Variants in DPH6 observed in about 807,000 individuals in gnomAD.
The protein encoded by DPH6 is diphthine--ammonia ligase.
A neutral mutation model predicts 38.2 loss-of-function variants in DPH6; 33 were observed. The ratio of observed to expected loss-of-function variants is 0.86; its 90% CI spans 0.65 to 1.15. The LOEUF is 1.15. Among genes scored for constraint, DPH6 ranks in the 50% most tolerant of loss-of-function variants. The pLI is 0.00. For missense variants in DPH6, 325 were observed against 320.0 expected (o/e 1.02, Z -0.12); for synonymous variants, 108 against 103.0 (o/e 1.05, Z -0.30).
At chr15:35,355,905 T>C (rs1260012867) in intron 3 of DPH6, among the ~76,000 whole-genome samples, 1 of 152,240 alleles carries the variant, frequency 6.6e-6, no homozygotes, top group Non-Finnish European at 1.5e-5. Flanking sequence ...ATTCTCCCCG[T>C]CACTTTCAGG....
chr15:35,411,612 C>T (rs1378526462), intron 5 of DPH6, among the ~76,000 whole-genome samples: 1 of 151,494 alleles, frequency 6.6e-6, no homozygotes, highest in East Asian at 1.9e-4. Context: ...GCTTTCCATA[C>T]ACCAAGACTA....
intron 3 of DPH6, chr15:35,489,255 T>G (rs2141168552): frequency 1.2e-6 from 1 of 829,306 alleles, no homozygotes; most frequent in South Asian, 5.5e-5. Flanking sequence ...CCATGTGATC[T>G]GGGGATCTGG....
intron 3 of DPH6, among the ~76,000 whole-genome samples, chr15:35,259,716 T>C (rs1354063436): frequency 6.6e-6 from 1 of 152,188 alleles, no homozygotes; most frequent in Non-Finnish European, 1.5e-5. Context: ...CCAATATAAG[T>C]CCTAAAAGAA....
At chr15:35,196,213 A>T in the DPH6 span, among the ~76,000 whole-genome samples, 1 of 152,224 alleles carries the variant, frequency 6.6e-6, no homozygotes, top group South Asian at 2.1e-4. Context: ...GTGCTATGCT[A>T]ATTAGAATAT....
chr15:35,481,419 A>AGTCT (rs960001803), intron 3 of DPH6, among the ~76,000 whole-genome samples: 7 of 152,216 alleles, frequency 4.6e-5, no homozygotes, highest in Non-Finnish European at 1.0e-4. Context: ...AAAGACTTGA[A>AGTCT]AGACATATTA....
At chr15:35,228,462 T>G (rs1425370846) in intron 3 of DPH6, among the ~76,000 whole-genome samples, 2 of 152,198 alleles carry the variant, frequency 1.3e-5, no homozygotes, top group African/African-American at 4.8e-5. Flanking sequence ...CAGTGTGTTT[T>G]CTGTCACCTA....
chr15:35,427,392 G>A (rs2053582640), intron 5 of DPH6, among the ~76,000 whole-genome samples: 1 of 151,914 alleles, frequency 6.6e-6, no homozygotes, highest in Admixed American at 6.6e-5. Flanking sequence ...TACAGATGAG[G>A]ATATGCAATG....
In DPH6 at chr15:35,371,534, A is replaced by G. The variant is rs973592886; in HGVS notation, c.*616T>C. The G allele has an allele frequency of 1.3e-5, 12 of 958,072 alleles. No individual in the cohort carries two copies. Among genetic ancestry groups the G allele is most frequent in the Admixed American group, 6.2e-5 (1 of 16,150 alleles). The allele number at this position is 958,072 out of a possible 1,614,324, so 59.3% of individuals were successfully genotyped here. On this transcript the variant is annotated 3_prime_UTR_variant, in exon 9 of 9. Transcript: ENST00000256538. ...AAAACTGTTCTAAAACATAAAGTCT[A>G]TTTTTTGTAAAAGTTTTCTAAGGTC...
At chr15:35,295,555 G>A (rs1296507861) in intron 3 of DPH6, among the ~76,000 whole-genome samples, 4 of 152,120 alleles carry the variant, frequency 2.6e-5, no homozygotes, top group Non-Finnish European at 4.4e-5. Flanking sequence ...CATTACTCCT[G>A]TCATCATCCT....
At chr15:35,518,607 A>C (rs2054880060) in intron 3 of DPH6, among the ~76,000 whole-genome samples, 1 of 152,040 alleles carries the variant, frequency 6.6e-6, no homozygotes. Flanking sequence ...TTTGGGAATG[A>C]GGTGTGTAGG....
At chr15:35,432,388 T>C (rs1396049246) in intron 5 of DPH6, among the ~76,000 whole-genome samples, 1 of 152,150 alleles carries the variant, frequency 6.6e-6, no homozygotes, top group African/African-American at 2.4e-5. Flanking sequence ...TAGATTCACA[T>C]CTGTAATAGA....
the DPH6 span, among the ~76,000 whole-genome samples, chr15:35,186,630 C>T: frequency 6.6e-6 from 1 of 152,218 alleles, no homozygotes; most frequent in Non-Finnish European, 1.5e-5. Flanking sequence ...TTATTCCAAA[C>T]ATGAATATGC....
At chr15:35,235,498 C>G (rs75204048) in intron 3 of DPH6, among the ~76,000 whole-genome samples, 4 of 152,320 alleles carry the variant, frequency 2.6e-5, no homozygotes, top group Non-Finnish European at 2.9e-5. Context: ...AATAAATGCT[C>G]TATTCACCTC....
intron 3 of DPH6, among the ~76,000 whole-genome samples, chr15:35,226,434 T>TA (rs141891094): frequency 0.032 from 4,806 of 151,840 alleles, 251 homozygotes; most frequent in African/African-American, 0.11. Context: ...CACATACATT[T>TA]AAAAAAAATA....
At chr15:35,468,542 C>T (rs1252976705) in intron 3 of DPH6, among the ~76,000 whole-genome samples, 2 of 152,096 alleles carry the variant, frequency 1.3e-5, no homozygotes, top group African/African-American at 2.4e-5. Flanking sequence ...CTCCCTTTCA[C>T]GGTAGGAGCA....
At position 35,314,465 on chromosome 15, in the gene DPH6, C is replaced by T. The variant is rs185257442; in HGVS notation, n.200+59056G>A. 7.3e-4 allele frequency among the ~76,000 whole-genome samples: 111 copies of T among 152,244 alleles called. 2 individuals are homozygous for T. The Middle Eastern group carries it at 0.02, about 28-fold the overall frequency. On this transcript the variant is annotated intron_variant and non_coding_transcript_variant, in intron 3 of 3. Coordinates refer to the DPH6 transcript ENST00000560386. ...GACTTCAAAATCGGTCATAAAGCAGCGGAGACAACTTGCAACATCAACAAC... is the reference window on the plus strand; with the variant it reads ...GACTTCAAAATCGGTCATAAAGCAGTGGAGACAACTTGCAACATCAACAAC...
rs933277971 is a variant in DPH6, at chr15:35,372,207, A to G, written c.751-4T>C. ...AGTTGTCAGGCACTGAGGACACCTA[A>G]AAAAAAAAGGGAAGGAAAGGGAAGG... On this transcript the variant is annotated splice_polypyrimidine_tract_variant and splice_region_variant and intron_variant, in intron 8 of 8. Transcript: ENST00000256538. 2 of 1,353,994 alleles carry G rather than the reference A, an allele frequency of 1.5e-6. No individual in the cohort carries two copies. The highest frequency in any genetic ancestry group is 9.5e-7 in the Non-Finnish European group (1 of 1,053,524). The allele number at this position is 1,353,994 out of a possible 1,614,324, so 83.9% of individuals were successfully genotyped here.
chr15:35,317,416 AAG>A (rs915788296), intron 3 of DPH6, among the ~76,000 whole-genome samples: 5 of 151,214 alleles, frequency 3.3e-5, no homozygotes, highest in East Asian at 1.9e-4. Flanking sequence ...GAAAGAAAGA[AAG>A]AGGAGGGAGG....
rs541564150 is a variant in DPH6 at position 35,500,287 on chromosome 15, C to A, written c.312+37987G>T. Among the ~76,000 whole-genome samples the A allele has an allele frequency of 2.6e-5, 4 of 152,058 alleles. No individual in the cohort carries two copies. The South Asian group carries it at 8.3e-4, about 32-fold the overall frequency. On this transcript the variant is annotated intron_variant, in intron 3 of 8. Transcript: ENST00000256538. ...TCTTGAACCTTATACTTTTCACAAG[C>A]GGAATCACGCTGATACAGTCAATGA... is the stretch of plus-strand genomic sequence containing the variant.
Sources: allele counts gnomAD v4.1 joint callset (sites outside exome capture counted in the v4.1 genomes callset), GRCh38; gene constraint gnomAD v4.1.1; transcripts MANE v1.5; gene names NCBI Gene and HGNC (gene_info 2026-07-23, HGNC 2026-07-21).